LMNTD1: variants seen among roughly 807,000 people sequenced by gnomAD.
LMNTD1 encodes lamin tail domain-containing protein 1.
Under a neutral mutation model 50.9 loss-of-function variants are expected in LMNTD1, and 35 were observed. The ratio of observed to expected loss-of-function variants is 0.69; its 90% CI spans 0.53 to 0.91. LMNTD1 has a LOEUF of 0.91. Among genes scored for constraint, LMNTD1 ranks in the 40% least tolerant of loss-of-function variants. The pLI is 0.00. For synonymous variants in LMNTD1, 153 were observed against 161.9 expected (o/e 0.94, Z 0.42); for missense variants, 470 against 475.5 (o/e 0.99, Z 0.11).
chr12:25,599,690 C>T (rs1945919718), intron 1 of LMNTD1, among the ~76,000 whole-genome samples: 1 of 151,790 alleles, frequency 6.6e-6, no homozygotes, highest in Non-Finnish European at 1.5e-5. Context: ...TAAAAATAAT[C>T]CCATTTATAA....
chr12:25,487,664 T>C (rs1307642044), intron 9 of LMNTD1, among the ~76,000 whole-genome samples: 1 of 130,624 alleles, frequency 7.7e-6, no homozygotes. Context: ...TGTGTGAATT[T>C]GATCCTGTCA....
intron 1 of LMNTD1, among the ~76,000 whole-genome samples, chr12:25,584,723 A>T (rs950092422): frequency 1.1e-4 from 17 of 152,348 alleles, no homozygotes; most frequent in African/African-American, 4.1e-4. Context: ...GACTTAAGGA[A>T]CATAAAATCA....
intron 7 of LMNTD1, among the ~76,000 whole-genome samples, chr12:25,519,520 G>A (rs1941100309): frequency 1.3e-5 from 2 of 148,424 alleles, no homozygotes. Flanking sequence ...CCGGCAGGGC[G>A]GAGCCTGCAG....
chr12:25,509,770 T>C (rs566600735), intron 8 of LMNTD1, among the ~76,000 whole-genome samples: 90 of 152,252 alleles, frequency 5.9e-4, no homozygotes, highest in Non-Finnish European at 1.2e-3. Flanking sequence ...ACACAGGAAG[T>C]TAAGGCCATA....
At chr12:25,501,513 G>A (rs991866047) in intron 9 of LMNTD1, among the ~76,000 whole-genome samples, 2 of 152,122 alleles carry the variant, frequency 1.3e-5, no homozygotes, top group Admixed American at 6.5e-5. Flanking sequence ...CAATCTTAAA[G>A]GTTAATTAGC....
chr12:25,615,873 T>C (rs1946342833), intron 1 of LMNTD1, among the ~76,000 whole-genome samples: 1 of 152,210 alleles, frequency 6.6e-6, no homozygotes, highest in Non-Finnish European at 1.5e-5. Flanking sequence ...AAAAATAAAT[T>C]ATTCTTTATT....
intron 8 of LMNTD1, among the ~76,000 whole-genome samples, chr12:25,509,969 T>C (rs1252013909): frequency 6.6e-6 from 1 of 152,238 alleles, no homozygotes; most frequent in Non-Finnish European, 1.5e-5. Context: ...AAATTTCTAT[T>C]GTTTTAAGAC....
chr12:25,521,229 C>A lies in LMNTD1; in HGVS notation c.799-1154G>T, dbSNP rs569584013. ...GCTTTTTAGCTTGACATACTCCATG[C>A]CCACTTTTATTTATTTTTGTTTTTG... On this transcript the variant is annotated intron_variant, in intron 6 of 9. Transcript: ENST00000458174. Among the ~76,000 whole-genome samples the A allele has an allele frequency of 6.1e-4, 93 of 152,082 alleles. 1 individual carries two copies. Among genetic ancestry groups the A allele is most frequent in the Non-Finnish European group, 1.2e-3 (84 of 67,966 alleles).
At chr12:25,565,885 G>C (rs553077227) in intron 1 of LMNTD1, among the ~76,000 whole-genome samples, 2 of 152,038 alleles carry the variant, frequency 1.3e-5, no homozygotes, top group Non-Finnish European at 2.9e-5. Flanking sequence ...CGTTTTTGTT[G>C]TTTTTCTCTT....
chr12:25,532,286 A>G (rs1942277911), intron 4 of LMNTD1, among the ~76,000 whole-genome samples: 1 of 152,148 alleles, frequency 6.6e-6, no homozygotes, highest in African/African-American at 2.4e-5. Context: ...CTAAGTTGGG[A>G]ACAAATCACT....
chr12:25,497,317 G>A (rs73296496), intron 9 of LMNTD1, among the ~76,000 whole-genome samples: 11,066 of 152,008 alleles, frequency 0.073, 514 homozygotes, highest in Middle Eastern at 0.092. Flanking sequence ...TTCAACGGCC[G>A]GCGGGAAGCA....
chr12:25,491,386 G>T (rs1938878327), intron 9 of LMNTD1, among the ~76,000 whole-genome samples: 2 of 152,212 alleles, frequency 1.3e-5, no homozygotes, highest in African/African-American at 4.8e-5. Flanking sequence ...CAGAGGGGTG[G>T]TGGGGAGGAG....
chr12:25,556,610 C>G (rs894101359), upstream of LMNTD1, among the ~76,000 whole-genome samples: 5 of 152,166 alleles, frequency 3.3e-5, no homozygotes, highest in Non-Finnish European at 7.4e-5. Flanking sequence ...TCTGTCAATT[C>G]TCTTTGCCTT....
At chr12:25,578,271 G>A (rs1442381639) in intron 1 of LMNTD1, among the ~76,000 whole-genome samples, 1 of 152,140 alleles carries the variant, frequency 6.6e-6, no homozygotes, top group Non-Finnish European at 1.5e-5. Context: ...TAGGGAGGAG[G>A]AGCAAAGGTG....
At chr12:25,645,047 G>C (rs1947038024) in intron 1 of LMNTD1, among the ~76,000 whole-genome samples, 1 of 152,168 alleles carries the variant, frequency 6.6e-6, no homozygotes, top group Admixed American at 6.5e-5. Context: ...AACTTTATTA[G>C]GGAAAACTAG....
At chr12:25,486,996 A>G (rs557635301) in intron 9 of LMNTD1, among the ~76,000 whole-genome samples, 2 of 151,758 alleles carry the variant, frequency 1.3e-5, no homozygotes, top group African/African-American at 2.4e-5. Context: ...GTGGTCTGAG[A>G]GACAGTTTGT....
intron 1 of LMNTD1, among the ~76,000 whole-genome samples, chr12:25,592,118 C>G (rs1239222751): frequency 2.6e-5 from 4 of 152,114 alleles, no homozygotes; most frequent in African/African-American, 9.7e-5. Context: ...CAAGGAACAC[C>G]TAAGTCTTGA....
Position 25,564,781 on chromosome 12 carries a change from T to A in LMNTD1, c.59-18227A>T, listed in dbSNP as rs576880717. Reference sequence around the variant, plus strand: ...GTGTATATTAAGTCTGATGTTTATTTGTTGATTTTATGTCTGGAAGTTCTG... The same window carrying A: ...GTGTATATTAAGTCTGATGTTTATTAGTTGATTTTATGTCTGGAAGTTCTG... On this transcript the variant is annotated intron_variant, in intron 1 of 7. Transcript: ENST00000445693. 3.0e-4 allele frequency among the ~76,000 whole-genome samples: 46 copies of A among 152,318 alleles called. 1 individual carries two copies. Among genetic ancestry groups the A allele is most frequent in the African/African-American group, 9.9e-4 (41 of 41,566 alleles).
intron 9 of LMNTD1, chr12:25,499,924 C>A (rs1268053888): frequency 6.6e-6 from 1 of 152,176 alleles, no homozygotes; most frequent in Non-Finnish European, 1.5e-5. Flanking sequence ...CTTTGGCCAG[C>A]ATGGCAGGGA....
Sources: allele counts gnomAD v4.1 joint callset (sites outside exome capture counted in the v4.1 genomes callset), GRCh38; gene constraint gnomAD v4.1.1; transcripts MANE v1.5; gene names NCBI Gene and HGNC (gene_info 2026-07-23, HGNC 2026-07-21).